The following MROH1 variants were observed in gnomAD, a reference collection of about 807,000 sequenced individuals.
The protein encoded by MROH1 is maestro heat like repeat family member 1, also known as maestro heat-like repeat-containing protein family member 1.
MROH1 carries 117 observed loss-of-function variants against 116.5 expected under a neutral mutation model. The observed-to-expected ratio is 1.00, with a 90% CI of 0.86 to 1.17. The LOEUF is 1.17. Among genes scored for constraint, MROH1 ranks in the 50% most tolerant of loss-of-function variants. The pLI, the probability that MROH1 is intolerant of heterozygous loss-of-function variation, is 0.00. For missense variants in MROH1, 1,873 were observed against 1,338.5 expected, an observed-to-expected ratio of 1.40 and a Z score of -6.23; for synonymous variants, 921 against 583.9, an observed-to-expected ratio of 1.58 and a Z score of -8.32.
In MROH1 at chr8:144,181,312, G is replaced by GCCCGGTGATGGGGGAGGGGC. The variant is rs777734028; in HGVS notation, c.562+791_562+792insCGGTGATGGGGGAGGGGCCC. On this transcript the variant is annotated intron_variant, in intron 7 of 43. Coordinates refer to ENST00000326134, the MANE Select transcript of MROH1 (RefSeq NM_032450.3). The stretch of plus-strand genomic sequence containing the variant: ...GGAGGGGCCCGGTGATGGGGGAGGG[G>GCCCGGTGATGGGGGAGGGGC]CCGGTGATGGGGGAGGGGCCTGGTG... Among the ~76,000 whole-genome samples, 292 of 42,794 alleles carry GCCCGGTGATGGGGGAGGGGC rather than the reference G, an allele frequency of 6.8e-3. 13 individuals are homozygous for GCCCGGTGATGGGGGAGGGGC. Among genetic ancestry groups the GCCCGGTGATGGGGGAGGGGC allele is most frequent in the African/African-American group, 0.018 (223 of 12,494 alleles). The allele number at this position is 42,794 out of a possible 152,430, so 28.1% of individuals were successfully genotyped here.
intron 12 of MROH1, among the ~76,000 whole-genome samples, chr8:144,207,630 A>G (rs991320514): frequency 1.3e-5 from 2 of 151,882 alleles, no homozygotes; most frequent in Non-Finnish European, 2.9e-5. Flanking sequence ...CCCAGCCTCC[A>G]GAGTAGCCTG....
At position 144,261,030 on chromosome 8, in the gene MROH1, T is replaced by A. The variant is rs2130109345; in HGVS notation, c.4660T>A (p.Cys1554Ser). 3.6e-6 allele frequency: 2 copies of A among 549,502 alleles called. No homozygotes were observed. Among genetic ancestry groups the A allele is most frequent in the Non-Finnish European group, 7.1e-6 (2 of 281,820 alleles). The allele number at this position is 549,502 out of a possible 1,614,324, so 34.0% of individuals were successfully genotyped here. ...CTTCGGGGAGTTCCTCAACACCACC[T>A]GCAAGCACCTGGTGAGGGGTGGGGC... ...LHFGEFLNTT[C>S]KHLMHHFPDL... The change falls in exon 41 of 44, where the codon TGC (cysteine) becomes AGC (serine). Residue 1554 changes from cysteine (C) to serine (S), a missense_variant. By Grantham distance (112) the Cys-to-Ser change is moderately radical (BLOSUM62 -1). Coordinates refer to ENST00000326134, the MANE Select transcript of MROH1 (RefSeq NM_032450.3).
chr8:144,229,749 C>A (rs1838481946), intron 14 of MROH1, among the ~76,000 whole-genome samples: 1 of 152,066 alleles, frequency 6.6e-6, no homozygotes, highest in Non-Finnish European at 1.5e-5. Flanking sequence ...CTTAGCTTTT[C>A]CTTTGCAGTC....
chr8:144,224,225 G>A lies in MROH1; in HGVS notation c.1338+995G>A, dbSNP rs530668444. On this transcript the variant is annotated intron_variant, in intron 14 of 43. Transcript: ENST00000326134. The stretch of plus-strand genomic sequence containing the variant: ...CTAAAACCAAAAGAAAAACCATTTT[G>A]AATAGGATGGAATCTAACACTCAGA... 7.9e-5 allele frequency among the ~76,000 whole-genome samples: 12 copies of A among 152,234 alleles called. No homozygotes were observed. The South Asian group carries it at 2.5e-3, about 32-fold the overall frequency.
intron 3 of MROH1, among the ~76,000 whole-genome samples, chr8:144,167,013 A>G (rs1362310825): frequency 6.6e-6 from 1 of 152,198 alleles, no homozygotes; most frequent in Non-Finnish European, 1.5e-5. Flanking sequence ...CTCAGGAAGG[A>G]ATATCTTCCC....
At chr8:144,240,795 C>T (rs1840844767) in intron 20 of MROH1, 118 bp downstream of exon 20, 6 of 686,084 alleles carry the variant, frequency 8.7e-6, no homozygotes, top group Non-Finnish European at 1.6e-5. Context: ...GGCAGAGCCT[C>T]CTTGTGGTGG....
rs1002822763 is a variant in MROH1, at chr8:144,260,012, G to C, written c.4146G>C (p.Leu1382=). 23 of 727,394 alleles carry C rather than the reference G, an allele frequency of 3.2e-5. No homozygotes were observed. Among genetic ancestry groups the C allele is most frequent in the Middle Eastern group, 5.5e-4 (2 of 3,618 alleles). The allele number at this position is 727,394 out of a possible 1,614,324, so 45.1% of individuals were successfully genotyped here. The change falls in exon 38 of 44, where the codon CTG becomes CTC. Residue 1382 remains leucine (L), a synonymous_variant. Transcript: ENST00000326134. Reference sequence around the variant, plus strand: ...ACACATGCGCCAGCGTGCGGAGGCTGGTGCTCCGCGGCCTGGCCAACCTGG... The same window carrying C: ...ACACATGCGCCAGCGTGCGGAGGCTCGTGCTCCGCGGCCTGGCCAACCTGG... ...QKDTCASVRR[L]VLRGLANLAS...
Position 144,223,114 on chromosome 8 carries a change from C to T in MROH1, c.1222C>T (p.Arg408Trp), listed in dbSNP as rs780916038. ...PLLDTNSKVK[R>W]AVVQVISAMA... ...CCATTTGTTCTCTGGGCAGGTGAAG[C>T]GGGCAGTGGTGCAGGTGATTAGCGC... The change falls in exon 14 of 44, where the codon CGG becomes TGG. Residue 408 changes from arginine to tryptophan, a missense_variant. Arg to Trp is a moderately radical substitution (Grantham distance 101). Coordinates refer to ENST00000326134, the MANE Select transcript of MROH1 (RefSeq NM_032450.3). 7 of 1,613,214 alleles carry T rather than the reference C, an allele frequency of 4.3e-6. No homozygotes were observed. Among genetic ancestry groups the T allele is most frequent in the African/African-American group, 1.3e-5 (1 of 74,966 alleles).
chr8:144,172,565 C>T (rs1321160872), intron 4 of MROH1, among the ~76,000 whole-genome samples: 1 of 152,094 alleles, frequency 6.6e-6, no homozygotes, highest in Non-Finnish European at 1.5e-5. Flanking sequence ...ACGCGTGCCA[C>T]CACACCAGCT....
intron 12 of MROH1, among the ~76,000 whole-genome samples, chr8:144,205,149 C>G (rs1832544233): frequency 6.6e-6 from 1 of 152,180 alleles, no homozygotes; most frequent in South Asian, 2.1e-4. Flanking sequence ...CTTGGCCTCC[C>G]AAAGTACTGG....
Position 144,261,362 on chromosome 8 carries a change from C to T in MROH1, c.4840+13C>T. 2.8e-6 allele frequency: 2 copies of T among 702,706 alleles called. No homozygotes were observed. Among genetic ancestry groups the T allele is most frequent in the Non-Finnish European group, 5.2e-6 (2 of 386,162 alleles). The allele number at this position is 702,706 out of a possible 1,614,324, so 43.5% of individuals were successfully genotyped here. On this transcript the variant is annotated intron_variant, in intron 43 of 43. Coordinates refer to ENST00000326134, the MANE Select transcript of MROH1 (RefSeq NM_032450.3). ...CAGCTCATTGCGGGTGAGCACCCCT[C>T]CACGGGGCCCCTCCGCTGGGCCCTG... is the stretch of plus-strand genomic sequence containing the variant.
At chr8:144,159,381 A>G (rs59742770) in intron 1 of MROH1, among the ~76,000 whole-genome samples, 16,857 of 152,100 alleles carry the variant, frequency 0.11, 3,121 homozygotes, top group African/African-American at 0.38. Context: ...GAGAGAGAGA[A>G]ATGTTGAAAT....
chr8:144,236,389 A>C (rs1471443178), intron 14 of MROH1, among the ~76,000 whole-genome samples: 1 of 149,766 alleles, frequency 6.7e-6, no homozygotes, highest in Non-Finnish European at 1.5e-5. Context: ...TGTAATAAAT[A>C]AGTAGTTTGT....
intron 3 of MROH1, among the ~76,000 whole-genome samples, chr8:144,167,916 G>T (rs1320254316): frequency 6.6e-6 from 1 of 152,104 alleles, no homozygotes. Flanking sequence ...GCTGGTGAGT[G>T]AGCCAATGTC....
At chr8:144,244,774 C>T (rs1841600077) in intron 28 of MROH1, among the ~76,000 whole-genome samples, 1 of 152,192 alleles carries the variant, frequency 6.6e-6, no homozygotes, top group Non-Finnish European at 1.5e-5. Flanking sequence ...CACTGCATGG[C>T]GCGGGGATGG....
At chr8:144,256,237 C>A (rs1056368511) in intron 35 of MROH1, among the ~76,000 whole-genome samples, 7 of 152,122 alleles carry the variant, frequency 4.6e-5, no homozygotes, top group African/African-American at 1.4e-4. Context: ...CCTGGGCAGG[C>A]GTGGCTGTGT....
chr8:144,245,081 G>C (rs902699168), intron 28 of MROH1, 75 bp from the exon 29 acceptor site: 24 of 776,210 alleles, frequency 3.1e-5, no homozygotes, highest in Non-Finnish European at 4.6e-5. Flanking sequence ...ACACTGAGCT[G>C]GCCCACGATG....
rs751740779 is a variant in MROH1, at chr8:144,163,339, C to T, written c.-56-432C>T. 6.6e-6 allele frequency among the ~76,000 whole-genome samples: 1 copy of T among 152,172 alleles called. No homozygotes were observed. Among genetic ancestry groups the T allele is most frequent in the Non-Finnish European group, 1.5e-5 (1 of 68,040 alleles). Reference sequence around the variant, plus strand: ...GGTGAAGAGGCAGAGGGAACTTGGACGCTTCCTGGACTCGATTCTTAGGGA... The same window carrying T: ...GGTGAAGAGGCAGAGGGAACTTGGATGCTTCCTGGACTCGATTCTTAGGGA... On this transcript the variant is annotated intron_variant, in intron 2 of 43. Coordinates refer to ENST00000326134, the MANE Select transcript of MROH1 (RefSeq NM_032450.3). This position sits in a 1 kb window ranked among gnomAD's most constrained non-coding sequence, Gnocchi z 4.4.
At chr8:144,257,343 G>A (rs911979899) in intron 35 of MROH1, among the ~76,000 whole-genome samples, 69 of 152,156 alleles carry the variant, frequency 4.5e-4, no homozygotes, top group Non-Finnish European at 7.8e-4. Context: ...CCCTGCTGTT[G>A]GTCAGCACCA....
Sources: allele counts gnomAD v4.1 joint callset (sites outside exome capture counted in the v4.1 genomes callset), GRCh38; gene constraint gnomAD v4.1.1; non-coding constraint Gnocchi (gnomAD v3.1); transcripts MANE v1.5; gene names NCBI Gene and HGNC (gene_info 2026-07-23, HGNC 2026-07-21).